KAZN: variants seen among roughly 807,000 people sequenced by gnomAD.
KAZN encodes the protein kazrin.
In KAZN, 40 loss-of-function variants were observed where a neutral mutation model predicts 87.4. The observed-to-expected ratio is 0.46, with a 90% CI of 0.36 to 0.60. KAZN has a LOEUF of 0.60. Among genes scored for constraint, KAZN ranks in the 20% least tolerant of loss-of-function variants. The pLI is 0.00. For synonymous variants in KAZN, 466 were observed against 458.3 expected, an observed-to-expected ratio of 1.02 and a Z score of -0.22; for missense variants, 898 against 1,073.9, an observed-to-expected ratio of 0.84 and a Z score of 2.29.
At chr1:14,792,479 C>G (rs572664983) in intron 1 of KAZN, among the ~76,000 whole-genome samples, 1 of 152,260 alleles carries the variant, frequency 6.6e-6, no homozygotes, top group African/African-American at 2.4e-5. Flanking sequence ...AAGTCTACAG[C>G]CATCTCCCAG....
chr1:15,009,427 G>A (rs1669362632), intron 2 of KAZN, among the ~76,000 whole-genome samples: 1 of 152,224 alleles, frequency 6.6e-6, no homozygotes, highest in Non-Finnish European at 1.5e-5. Context: ...CCTGGGAACA[G>A]GCAGACCCAG....
intron 2 of KAZN, among the ~76,000 whole-genome samples, chr1:14,574,598 A>T (rs969478999): frequency 2.6e-5 from 4 of 152,114 alleles, no homozygotes; most frequent in Non-Finnish European, 5.9e-5. Context: ...CAGCCCATGA[A>T]ACTGTGAGAC....
At chr1:14,585,772 G>A (rs1675816198) in intron 2 of KAZN, among the ~76,000 whole-genome samples, 2 of 152,330 alleles carry the variant, frequency 1.3e-5, no homozygotes, top group South Asian at 4.1e-4. Flanking sequence ...AGGAGAGGGT[G>A]CCGAAAGATT....
intron 1 of KAZN, among the ~76,000 whole-genome samples, chr1:14,075,346 C>T (rs536880765): frequency 6.6e-6 from 1 of 152,120 alleles, no homozygotes; most frequent in African/African-American, 2.4e-5. Context: ...CTCACTCTTG[C>T]GCTAATGGTT....
At chr1:14,650,177 AG>A (rs1422896774) in intron 1 of KAZN, among the ~76,000 whole-genome samples, 4 of 152,048 alleles carry the variant, frequency 2.6e-5, no homozygotes, top group African/African-American at 9.7e-5. Flanking sequence ...GTAGGCCAGC[AG>A]GTTTTGTGGG....
chr1:14,238,602 C>T (rs574334762), intron 2 of KAZN, among the ~76,000 whole-genome samples: 19 of 152,270 alleles, frequency 1.2e-4, no homozygotes, highest in Non-Finnish European at 2.5e-4. Flanking sequence ...TTTAGCTCCT[C>T]TTGGCCATCC....
chr1:13,934,982 A>G (rs1351189035), intron 1 of KAZN, among the ~76,000 whole-genome samples: 1 of 152,146 alleles, frequency 6.6e-6, no homozygotes, highest in Non-Finnish European at 1.5e-5. Flanking sequence ...TACGCCTGTA[A>G]TCCCAGCACC....
chr1:14,711,465 G>C (rs1456007408), intron 1 of KAZN, among the ~76,000 whole-genome samples: 1 of 152,198 alleles, frequency 6.6e-6, no homozygotes, highest in African/African-American at 2.4e-5. Flanking sequence ...ACGACACGCA[G>C]GTTCTAGCAT....
intron 1 of KAZN, among the ~76,000 whole-genome samples, chr1:14,707,943 A>G (rs796335408): frequency 2.7e-4 from 41 of 152,296 alleles, no homozygotes; most frequent in African/African-American, 9.4e-4. Context: ...TCCTTCACGG[A>G]GTTTGCAGCA....
chr1:14,810,015 G>T (rs552936040), intron 1 of KAZN, among the ~76,000 whole-genome samples: 2 of 152,120 alleles, frequency 1.3e-5, no homozygotes, highest in African/African-American at 2.4e-5. Flanking sequence ...TGCATTGCAG[G>T]TGCATTATAG....
intron 2 of KAZN, among the ~76,000 whole-genome samples, chr1:14,547,387 T>C (rs1044677102): frequency 6.6e-6 from 1 of 152,204 alleles, no homozygotes; most frequent in Non-Finnish European, 1.5e-5. Context: ...ACTTTGTCAT[T>C]AACTGACTAT....
At chr1:14,574,711 C>T (rs1675074143) in intron 2 of KAZN, among the ~76,000 whole-genome samples, 1 of 152,128 alleles carries the variant, frequency 6.6e-6, no homozygotes, top group South Asian at 2.1e-4. Context: ...TGTTGAGCAC[C>T]TGCTGTTGGC....
intron 1 of KAZN, among the ~76,000 whole-genome samples, chr1:14,671,036 A>C (rs2148736348): frequency 6.6e-6 from 1 of 152,300 alleles, no homozygotes; most frequent in South Asian, 2.1e-4. Flanking sequence ...CCAGAATTGG[A>C]ATAGTGCTGA....
chr1:14,411,933 G>A (rs903164043), intron 2 of KAZN, among the ~76,000 whole-genome samples: 12 of 152,208 alleles, frequency 7.9e-5, no homozygotes, highest in African/African-American at 2.7e-4. Context: ...CACAATTAGA[G>A]AAATTTGAAA....
At chr1:14,124,680 T>G in intron 1 of KAZN, among the ~76,000 whole-genome samples, 1 of 148,392 alleles carries the variant, frequency 6.7e-6, no homozygotes, top group East Asian at 2.0e-4. Flanking sequence ...GTTCCTGAAG[T>G]CCCATCAGTC....
At chr1:15,054,196 G>A (rs1204633936) in intron 4 of KAZN, among the ~76,000 whole-genome samples, 3 of 151,918 alleles carry the variant, frequency 2.0e-5, no homozygotes, top group African/African-American at 7.3e-5. Flanking sequence ...GGATTTTTTT[G>A]TTGTTGTTAA....
At chr1:14,117,972 G>T (rs1478732310) in intron 1 of KAZN, among the ~76,000 whole-genome samples, 1 of 152,178 alleles carries the variant, frequency 6.6e-6, no homozygotes. Flanking sequence ...TTTCCCACAT[G>T]TGAGCTCAGC....
At chr1:14,385,255 A>G (rs903963642) in intron 2 of KAZN, among the ~76,000 whole-genome samples, 8 of 152,156 alleles carry the variant, frequency 5.3e-5, no homozygotes, top group Non-Finnish European at 1.0e-4. Flanking sequence ...GATCCTTTCA[A>G]AAAACCAGCT....
At chr1:14,461,432 T>C (rs973873699) in intron 2 of KAZN, among the ~76,000 whole-genome samples, 11 of 152,200 alleles carry the variant, frequency 7.2e-5, no homozygotes, top group African/African-American at 2.4e-4. Context: ...TTCTGTCTTG[T>C]CTGCCACCAT....
Sources: allele counts gnomAD v4.1 joint callset (sites outside exome capture counted in the v4.1 genomes callset), GRCh38; gene constraint gnomAD v4.1.1; transcripts MANE v1.5; gene names NCBI Gene and HGNC (gene_info 2026-07-23, HGNC 2026-07-21).